Variants in CTNND2 observed in about 807,000 individuals in gnomAD.
CTNND2 encodes the protein catenin delta 2.
A neutral mutation model predicts 144.4 loss-of-function variants in CTNND2; 22 were observed. The observed-to-expected ratio is 0.15, with a 90% CI of 0.11 to 0.22. CTNND2 has a LOEUF of 0.22. Ranked by LOEUF, CTNND2 falls within the 10% of genes least tolerant of loss-of-function variation. The probability of loss-of-function intolerance (pLI) is 1.00; values close to 1 mark genes in which losing one functional copy is unlikely to be tolerated. For synonymous variants in CTNND2, 751 were observed against 695.6 expected (o/e 1.08, Z -1.25); for missense variants, 1,353 against 1,618.8 (o/e 0.84, Z 2.82).
intron 6 of CTNND2, among the ~76,000 whole-genome samples, chr5:11,392,162 G>T (rs1759689311): frequency 6.6e-6 from 1 of 152,098 alleles, no homozygotes; most frequent in African/African-American, 2.4e-5. Context: ...TTTTCCCCAG[G>T]TCTCTAAGTC....
At chr5:11,530,461 T>C (rs1458845713) in intron 3 of CTNND2, among the ~76,000 whole-genome samples, 1 of 152,154 alleles carries the variant, frequency 6.6e-6, no homozygotes, top group African/African-American at 2.4e-5. Flanking sequence ...CCCTGGGACA[T>C]CTCCGTAGTT....
chr5:11,643,209 TA>T (rs1782158160), intron 2 of CTNND2, among the ~76,000 whole-genome samples: 1 of 149,272 alleles, frequency 6.7e-6, no homozygotes, highest in Non-Finnish European at 1.5e-5. Context: ...ATACATTTAA[TA>T]TTTTATTTTT....
intron 8 of CTNND2, among the ~76,000 whole-genome samples, chr5:11,357,749 G>T (rs1756041367): frequency 6.6e-6 from 1 of 152,050 alleles, no homozygotes; most frequent in Non-Finnish European, 1.5e-5. Context: ...TGCCCTGACT[G>T]GATCATTAGT....
intron 2 of CTNND2, among the ~76,000 whole-genome samples, chr5:11,724,054 CAAA>C (rs34050641): frequency 0.18 from 25,112 of 138,640 alleles, 2,226 homozygotes; most frequent in East Asian, 0.3. Context: ...GGCTTCATTT[CAAA>C]AAAAAAAAAA....
At chr5:11,656,399 C>G (rs72734938) in intron 2 of CTNND2, among the ~76,000 whole-genome samples, 3 of 145,058 alleles carry the variant, frequency 2.1e-5, no homozygotes, top group Non-Finnish European at 4.6e-5. Flanking sequence ...TGCTTCTATA[C>G]CCCTGCTGAA....
intron 9 of CTNND2, among the ~76,000 whole-genome samples, chr5:11,256,306 GAA>G (rs36028214): frequency 6.6e-6 from 1 of 152,070 alleles, no homozygotes; most frequent in Non-Finnish European, 1.5e-5. Context: ...ACACCACTCT[GAA>G]AAAAATACTG....
intron 3 of CTNND2, among the ~76,000 whole-genome samples, chr5:11,414,086 A>T (rs1164339640): frequency 6.6e-6 from 1 of 152,152 alleles, no homozygotes; most frequent in African/African-American, 2.4e-5. Flanking sequence ...GAGATAGAAG[A>T]GAGACAAAAA....
At chr5:11,762,358 A>G (rs1789314943) in intron 1 of CTNND2, among the ~76,000 whole-genome samples, 1 of 152,150 alleles carries the variant, frequency 6.6e-6, no homozygotes. Context: ...TAGAAACGTA[A>G]GTTTTGGTTA....
chr5:11,240,894 AAC>A (rs1036835086), intron 9 of CTNND2, among the ~76,000 whole-genome samples: 3 of 133,386 alleles, frequency 2.2e-5, no homozygotes, highest in East Asian at 2.3e-4. Flanking sequence ...ACACACCCAA[AAC>A]ACATACACTC....
At chr5:11,297,251 G>A (rs2150026354) in intron 9 of CTNND2, among the ~76,000 whole-genome samples, 1 of 152,216 alleles carries the variant, frequency 6.6e-6, no homozygotes, top group Non-Finnish European at 1.5e-5. Flanking sequence ...TAACCTTTAA[G>A]GAACTAAAAC....
intron 1 of CTNND2, among the ~76,000 whole-genome samples, chr5:11,890,636 T>C (rs544084979): frequency 1.5e-3 from 234 of 152,302 alleles, no homozygotes; most frequent in Middle Eastern, 3.4e-3. Context: ...TATCAGTAAA[T>C]GATCAATTTT....
At chr5:11,604,095 AAC>A (rs1355386254) in intron 2 of CTNND2, among the ~76,000 whole-genome samples, 1 of 152,200 alleles carries the variant, frequency 6.6e-6, no homozygotes, top group African/African-American at 2.4e-5. Flanking sequence ...TAAAAATAAG[AAC>A]ACAGAAATTT....
chr5:11,722,438 A>T (rs954227504), intron 2 of CTNND2, among the ~76,000 whole-genome samples: 1 of 152,258 alleles, frequency 6.6e-6, no homozygotes. Flanking sequence ...GTGCTAAAAT[A>T]AAAAAGTGCC....
At chr5:11,098,249 A>G (rs141416356) in intron 15 of CTNND2, among the ~76,000 whole-genome samples, 1 of 152,280 alleles carries the variant, frequency 6.6e-6, no homozygotes, top group East Asian at 1.9e-4. Flanking sequence ...TAGTGCTTTG[A>G]AAAAATATCA....
At chr5:11,833,802 G>A (rs1020367970) in intron 1 of CTNND2, among the ~76,000 whole-genome samples, 2 of 152,122 alleles carry the variant, frequency 1.3e-5, no homozygotes, top group Non-Finnish European at 2.9e-5. Context: ...GGGATTACAG[G>A]CGTGAGCCAC....
At chr5:11,254,353 C>CCA (rs1366554132) in intron 9 of CTNND2, among the ~76,000 whole-genome samples, 1 of 152,162 alleles carries the variant, frequency 6.6e-6, no homozygotes, top group African/African-American at 2.4e-5. Context: ...TTCTCAGGAA[C>CCA]CACACATCCA....
intron 2 of CTNND2, among the ~76,000 whole-genome samples, chr5:11,724,443 G>T (rs1581779810): frequency 2.0e-5 from 3 of 152,124 alleles, no homozygotes; most frequent in Admixed American, 2.0e-4. Context: ...TCAGGTCTCT[G>T]AACAGTATCT....
intron 2 of CTNND2, among the ~76,000 whole-genome samples, chr5:11,725,533 T>C (rs576941302): frequency 9.1e-4 from 139 of 152,242 alleles, no homozygotes; most frequent in African/African-American, 3.3e-3. Flanking sequence ...ATATTTTTCT[T>C]CAGAAAAATA....
chr5:11,157,161 G>A (rs1262816534), intron 12 of CTNND2, among the ~76,000 whole-genome samples: 4 of 152,146 alleles, frequency 2.6e-5, no homozygotes, highest in Non-Finnish European at 5.9e-5. Flanking sequence ...GGAACTTTCA[G>A]GCCCCTGGAA....
Sources: allele counts gnomAD v4.1 joint callset (sites outside exome capture counted in the v4.1 genomes callset), GRCh38; gene constraint gnomAD v4.1.1; transcripts MANE v1.5; gene names NCBI Gene and HGNC (gene_info 2026-07-23, HGNC 2026-07-21).